Variants in RNF213 observed in about 807,000 individuals in gnomAD.
The protein encoded by RNF213 is ring finger protein 213, also known as E3 ubiquitin-protein ligase RNF213.
In RNF213, 341 loss-of-function variants were observed where a neutral mutation model predicts 514.4. That is an observed-to-expected ratio of 0.66 (90% confidence interval 0.61 to 0.73). RNF213 has a LOEUF of 0.73. Among genes scored for constraint, RNF213 ranks in the 30% least tolerant of loss-of-function variants. The probability of loss-of-function intolerance (pLI) is 0.00; values close to 1 mark genes in which losing one functional copy is unlikely to be tolerated. For synonymous variants in RNF213, 2,655 were observed against 2,658.2 expected, an observed-to-expected ratio of 1.00 and a Z score of 0.04; for missense variants, 5,767 against 6,615.6, an observed-to-expected ratio of 0.87 and a Z score of 4.45.
At position 80,317,313 on chromosome 17, in the gene RNF213, G is replaced by A. The variant is rs1018451609; in HGVS notation, c.2901+36G>A. 3 of 1,591,692 alleles carry A rather than the reference G, an allele frequency of 1.9e-6. No homozygotes were observed. Among genetic ancestry groups the A allele is most frequent in the Admixed American group, 3.5e-5 (2 of 56,880 alleles). On this transcript the variant is annotated intron_variant, in intron 16 of 67. Coordinates refer to ENST00000582970, the MANE Select transcript of RNF213 (RefSeq NM_001256071.3). The surrounding 1 kb of genome is among the most constrained non-coding windows in gnomAD (Gnocchi z 4.1). ...TTTGGGGGCAGTCTTTTCAGGGCGT[G>A]AAGGCAAGCTGGAGAACCCCAGACC...
rs781086536 is a variant in RNF213, at chr17:80,347,267, G to C, written c.8932G>C (p.Asp2978His). Residue 2978 changes from aspartate to histidine, a missense_variant, in exon 29 of 68, where the codon GAC becomes CAC. By Grantham distance (81) the Asp-to-His change is moderately conservative. Around this residue, in one of 13 missense-constraint regions of RNF213, gnomAD observed 919 missense variants for 1,121.0 expected, o/e 0.82. Coordinates refer to ENST00000582970, the MANE Select transcript of RNF213 (RefSeq NM_001256071.3). This position sits in a 1 kb window ranked among gnomAD's most constrained non-coding sequence, Gnocchi z 7.2. ...KASNRKPSPQ[D>H]IAQAVLRNFS... is the part of the protein sequence containing the mutation. Reference sequence around the variant, plus strand: ...TTCAAATAGAAAGCCTTCCCCGCAAGACATTGCACAGGCTGTCCTTAGGAA... The same window carrying C: ...TTCAAATAGAAAGCCTTCCCCGCAACACATTGCACAGGCTGTCCTTAGGAA... The C allele has an allele frequency of 1.7e-5, 27 of 1,613,616 alleles. No individual in the cohort carries two copies. The Admixed American group carries it at 4.5e-4, about 27-fold the overall frequency.
In RNF213 at chr17:80,353,398, G is replaced by C. The variant is rs1966060907; in HGVS notation, c.10424-114G>C. ...ATCTGGGGACCTAGCACCACAGCAG[G>C]GGCCGGGGAAGCCTGCACTCGGAGG... On this transcript the variant is annotated intron_variant, in intron 33 of 67. Transcript: ENST00000582970. This position sits in a 1 kb window ranked among gnomAD's most constrained non-coding sequence, Gnocchi z 5.0. 8.2e-7 allele frequency: 1 copy of C among 1,226,414 alleles called. No individual in the cohort carries two copies. The highest frequency in any genetic ancestry group is 2.0e-5 in the Admixed American group (1 of 50,580). The allele number at this position is 1,226,414 out of a possible 1,614,324, so 76.0% of individuals were successfully genotyped here.
Position 80,351,821 on chromosome 17 carries a change from G to A in RNF213, c.10303+18G>A, listed in dbSNP as rs554189421. 67 of 1,221,876 alleles carry A rather than the reference G, an allele frequency of 5.5e-5. No homozygotes were observed. In the Admixed American group the frequency reaches 5.7e-4, roughly 10 times the overall value. 75.7% of individuals were successfully genotyped at this position (1,221,876 alleles called of 1,614,324 possible). On this transcript the variant is annotated intron_variant, in intron 32 of 67. Coordinates refer to ENST00000582970, the MANE Select transcript of RNF213 (RefSeq NM_001256071.3). ...CCACGGAGGTGAGATCAGAACATCA[G>A]TCAGGGTATTTATTTATGTATTTAT...
At chr17:80,333,946 C>T (rs1475412715) in intron 21 of RNF213, 159 bp from the exon 22 acceptor site, 4 of 719,794 alleles carry the variant, frequency 5.6e-6, no homozygotes, top group Non-Finnish European at 9.3e-6. Context: ...TTTGATCATC[C>T]AATTCAGGGG....
chr17:80,359,053 A>G (rs561665232), intron 37 of RNF213, among the ~76,000 whole-genome samples: 12 of 151,918 alleles, frequency 7.9e-5, no homozygotes, highest in Non-Finnish European at 1.8e-4. Context: ...CAGCCCCACA[A>G]TCTGTGCTCC....
At chr17:80,284,364 C>CA (rs925136747) in intron 3 of RNF213, among the ~76,000 whole-genome samples, 18 of 149,144 alleles carry the variant, frequency 1.2e-4, no homozygotes, top group South Asian at 2.2e-4. Flanking sequence ...AACTTCGTCT[C>CA]AAAAAAAACA....
chr17:80,281,664 C>T (rs1423972796), intron 3 of RNF213, among the ~76,000 whole-genome samples: 1 of 151,500 alleles, frequency 6.6e-6, no homozygotes, highest in Non-Finnish European at 1.5e-5. Flanking sequence ...CACTCACACA[C>T]ACCCCAACAT....
At chr17:80,335,747 G>A (rs780246760) in intron 22 of RNF213, among the ~76,000 whole-genome samples, 15 of 152,082 alleles carry the variant, frequency 9.9e-5, no homozygotes, top group East Asian at 1.9e-4. Context: ...AGGCCAAGTC[G>A]TGTGGATCAC....
Position 80,317,336 on chromosome 17 carries a change from AC to A in RNF213, c.2901+61del. 1.4e-6 allele frequency: 2 copies of A among 1,470,408 alleles called. No individual in the cohort carries two copies. Among genetic ancestry groups the A allele is most frequent in the Non-Finnish European group, 1.9e-6 (2 of 1,061,718 alleles). 91.1% of individuals were successfully genotyped at this position (1,470,408 alleles called of 1,614,324 possible). On this transcript the variant is annotated intron_variant, in intron 16 of 67. Transcript: ENST00000582970. This position sits in a 1 kb window ranked among gnomAD's most constrained non-coding sequence, Gnocchi z 4.1. Reference sequence around the variant, plus strand: ...GTGAAGGCAAGCTGGAGAACCCCAGACCATTAGCGACAGCCAAGAGATCTCA... The same window carrying A: ...GTGAAGGCAAGCTGGAGAACCCCAGACATTAGCGACAGCCAAGAGATCTCA...
At chr17:80,299,108 TAAAAG>T (rs982517287) in intron 11 of RNF213, among the ~76,000 whole-genome samples, 3 of 152,232 alleles carry the variant, frequency 2.0e-5, no homozygotes, top group African/African-American at 7.2e-5. Context: ...TTTATGTACT[TAAAAG>T]AACAACAACA....
intron 22 of RNF213, among the ~76,000 whole-genome samples, chr17:80,334,775 C>T (rs773418277): frequency 3.3e-5 from 5 of 151,858 alleles, no homozygotes; most frequent in Non-Finnish European, 7.4e-5. Flanking sequence ...TACAGGCGAC[C>T]GCCACCACGC....
chr17:80,322,598 A>G (rs2046176823), intron 17 of RNF213, among the ~76,000 whole-genome samples: 1 of 151,916 alleles, frequency 6.6e-6, no homozygotes, highest in South Asian at 2.1e-4. Flanking sequence ...TTTTTTTCGT[A>G]GAGACAGGGT....
Position 80,319,279 on chromosome 17 carries a change from A to G in RNF213, c.2991A>G (p.Lys997=), listed in dbSNP as rs2046056325. The G allele has an allele frequency of 1.2e-6, 2 of 1,614,136 alleles. No individual in the cohort carries two copies. Among genetic ancestry groups the G allele is most frequent in the African/African-American group, 2.7e-5 (2 of 75,028 alleles). ...LEDSVAKTFE[K]CIIEAVSSAC... is the part of the protein sequence containing the mutation. ...ACAGTGTGGCCAAGACCTTCGAGAA[A>G]TGCATCATTGAAGCCGTGAGCTCAG... Residue 997 remains lysine, a synonymous_variant, in exon 17 of 68, where the codon AAA becomes AAG. Coordinates refer to ENST00000582970, the MANE Select transcript of RNF213 (RefSeq NM_001256071.3).
At chr17:80,309,215 C>A (rs761521948) in intron 14 of RNF213, 44 bp downstream of exon 14, 1 of 1,611,162 alleles carries the variant, frequency 6.2e-7, no homozygotes, top group African/African-American at 1.3e-5. Context: ...GGGATAGGTG[C>A]GGAATTTCAA....
At chr17:80,269,470 ATCTAT>A (rs895861708) in intron 2 of RNF213, among the ~76,000 whole-genome samples, 52 of 149,498 alleles carry the variant, frequency 3.5e-4, no homozygotes, top group Non-Finnish European at 6.5e-4. Flanking sequence ...CCATCCATTC[ATCTAT>A]TCTATCTATC....
chr17:80,301,258 T>C (rs1459765609), intron 11 of RNF213, among the ~76,000 whole-genome samples: 1 of 152,112 alleles, frequency 6.6e-6, no homozygotes, highest in Non-Finnish European at 1.5e-5. Flanking sequence ...TGGGCAAAGA[T>C]TGGAGAAAAA....
At chr17:80,327,478 CA>C (rs941105944) in intron 18 of RNF213, among the ~76,000 whole-genome samples, 6,844 of 73,274 alleles carry the variant, frequency 0.093, 289 homozygotes, top group African/African-American at 0.22. Context: ...GAGACCCTGT[CA>C]AAAAAAAAAA....
chr17:80,389,372 G>A lies in RNF213; in HGVS notation c.15195+5G>A. ...CAGACGATTCACGTGTTAAAGGTGG[G>A]TCTCACACCGAAAAGGAAATCAGCA... On this transcript the variant is annotated splice_donor_5th_base_variant and intron_variant, in intron 65 of 67. Coordinates refer to ENST00000582970, the MANE Select transcript of RNF213 (RefSeq NM_001256071.3). 1 of 1,613,544 alleles carries A rather than the reference G, an allele frequency of 6.2e-7. No homozygotes were observed. Among genetic ancestry groups the A allele is most frequent in the Non-Finnish European group, 8.5e-7 (1 of 1,179,590 alleles).
chr17:80,345,718 C>T lies in RNF213; in HGVS notation c.7383C>T (p.Tyr2461=). The change falls in exon 29 of 68, where the codon TAC becomes TAT. Residue 2461 remains tyrosine, a synonymous_variant. Transcript: ENST00000582970. The surrounding 1 kb of genome is among the most constrained non-coding windows in gnomAD (Gnocchi z 6.0). ...VHGGTTADMI[Y]SRVREAENVA... ...GAGGAACAACTGCAGACATGATCTA[C>T]TCCAGAGTCAGGGAGGCTGAAAATG... 3 of 1,614,250 alleles carry T rather than the reference C, an allele frequency of 1.9e-6. No individual in the cohort carries two copies. The highest frequency in any genetic ancestry group is 2.5e-6 in the Non-Finnish European group (3 of 1,180,050).
Sources: allele counts gnomAD v4.1 joint callset (sites outside exome capture counted in the v4.1 genomes callset), GRCh38; gene constraint gnomAD v4.1.1; regional missense constraint gnomAD v4.1.1; non-coding constraint Gnocchi (gnomAD v3.1); transcripts MANE v1.5; gene names NCBI Gene and HGNC (gene_info 2026-07-23, HGNC 2026-07-21).